Variants in STON2 observed in about 807,000 individuals in gnomAD.
STON2 encodes stonin-2.
In STON2, 29 loss-of-function variants were observed where a neutral mutation model predicts 65.7. The observed-to-expected ratio is 0.44, with a 90% CI of 0.33 to 0.60. The LOEUF is 0.60. STON2 is among the 20% of genes least tolerant of loss of function. The probability of loss-of-function intolerance (pLI) is 0.03; values close to 1 mark genes in which losing one functional copy is unlikely to be tolerated. For missense variants in STON2, 1,054 were observed against 1,118.1 expected (o/e 0.94, Z 0.82); for synonymous variants, 404 against 414.2 (o/e 0.98, Z 0.30).
intron 3 of STON2, among the ~76,000 whole-genome samples, chr14:81,374,498 G>T (rs1028269780): frequency 2.0e-5 from 3 of 152,092 alleles, no homozygotes; most frequent in African/African-American, 7.2e-5. Context: ...GGGGTGAACA[G>T]GCAGAATGAG....
At chr14:81,378,947 C>A (rs574117747) in intron 3 of STON2, among the ~76,000 whole-genome samples, 6 of 152,042 alleles carry the variant, frequency 3.9e-5, no homozygotes, top group Admixed American at 3.3e-4. Context: ...AGAAATACCC[C>A]CCAAAGCTTA....
rs1894165377 is a variant in STON2 at position 81,261,954 on chromosome 14, A to AC, written c.*6459_*6460insG. ...TGTCTGGGGAAATGATAAAAAAAAA[A>AC]AAAAAAAAGAGAGAGATGTGAAAAG... On this transcript the variant is annotated 3_prime_UTR_variant, in exon 8 of 8. Coordinates refer to ENST00000614646, the MANE Select transcript of STON2 (RefSeq NM_001394390.1). 5.6e-6 allele frequency: 8 copies of AC among 1,437,082 alleles called. No individual in the cohort carries two copies. The highest frequency in any genetic ancestry group is 7.3e-6 in the Non-Finnish European group (8 of 1,102,410). 89.0% of individuals were successfully genotyped at this position (1,437,082 alleles called of 1,614,324 possible).
Position 81,348,198 on chromosome 14 carries a change from T to C in STON2, c.571+22790A>G, listed in dbSNP as rs142549163. ...AGCAGAAAGCCTTTCCTCTCAGAAC[T>C]GGAACAAGCAAAGATGCCCACTTTC... is the stretch of plus-strand genomic sequence containing the variant. On this transcript the variant is annotated intron_variant, in intron 4 of 7. Transcript: ENST00000614646. 2.9e-3 allele frequency among the ~76,000 whole-genome samples: 444 copies of C among 152,210 alleles called. 1 individual carries two copies. Among genetic ancestry groups the C allele is most frequent in the Non-Finnish European group, 5.5e-3 (374 of 68,006 alleles).
At chr14:81,431,772 T>A (rs1345575561) in intron 1 of STON2, among the ~76,000 whole-genome samples, 1 of 148,558 alleles carries the variant, frequency 6.7e-6, no homozygotes, top group Admixed American at 6.7e-5. Context: ...AGCGAAACTC[T>A]GTCTCAAAAA....
At chr14:81,411,913 A>AC (rs1218130057) in intron 2 of STON2, among the ~76,000 whole-genome samples, 30 of 141,708 alleles carry the variant, frequency 2.1e-4, no homozygotes, top group African/African-American at 3.7e-4. Context: ...GATGTCTCTG[A>AC]AGAGGTGACA....
chr14:81,363,847 C>T (rs1257176737), intron 4 of STON2, among the ~76,000 whole-genome samples: 2 of 152,288 alleles, frequency 1.3e-5, no homozygotes, highest in South Asian at 2.1e-4. Flanking sequence ...TCAAGCACAA[C>T]GGTAATCACT....
chr14:81,408,152 C>T (rs1252136849), intron 2 of STON2, among the ~76,000 whole-genome samples: 1 of 141,840 alleles, frequency 7.1e-6, no homozygotes, highest in Non-Finnish European at 1.5e-5. Context: ...CACACACACA[C>T]ACACACGCGC....
intron 3 of STON2, among the ~76,000 whole-genome samples, chr14:81,387,861 A>G (rs1166395305): frequency 6.7e-6 from 1 of 149,792 alleles, no homozygotes; most frequent in Non-Finnish European, 1.5e-5. Context: ...ACTGCACTCC[A>G]GCCTGGGTGA....
intron 4 of STON2, among the ~76,000 whole-genome samples, chr14:81,367,612 A>G (rs1485451633): frequency 6.6e-6 from 1 of 152,168 alleles, no homozygotes; most frequent in Non-Finnish European, 1.5e-5. Flanking sequence ...TGAGGTGAAG[A>G]CTTTTCAAAG....
intron 4 of STON2, among the ~76,000 whole-genome samples, chr14:81,342,802 G>A (rs974866490): frequency 6.6e-6 from 1 of 152,130 alleles, no homozygotes; most frequent in African/African-American, 2.4e-5. Context: ...GCCAGAGAGC[G>A]CCAGAACAGA....
At chr14:81,395,428 G>A (rs1183698731) in intron 3 of STON2, 2 of 153,364 alleles carry the variant, frequency 1.3e-5, no homozygotes, top group Non-Finnish European at 2.9e-5. Context: ...TTTTGGCAGA[G>A]ACGGGGTTTC....
chr14:81,270,671 T>C lies in STON2; in HGVS notation c.2783A>G (p.Gln928Arg). 1.2e-6 allele frequency: 2 copies of C among 1,614,174 alleles called. No individual in the cohort carries two copies. Among genetic ancestry groups the C allele is most frequent in the South Asian group, 2.2e-5 (2 of 91,086 alleles). Residue 928 changes from glutamine (Q) to arginine (R), a missense_variant and splice_region_variant, in exon 7 of 8, where the codon CAG becomes CGG. Coordinates refer to ENST00000614646, the MANE Select transcript of STON2 (RefSeq NM_001394390.1). The stretch of plus-strand genomic sequence containing the variant: ...TAGCCAGATGCTTCCCAAGGCTACC[T>C]GGTAGCTGTAGTGTGCAGAATAATT... ...WVNYSAHYSYQVEIEQKKSLK... is the reference protein window; with the variant it reads ...WVNYSAHYSYRVEIEQKKSLK...
Position 81,264,496 on chromosome 14 carries a change from C to T in STON2, c.*3918G>A. 1.0e-6 allele frequency: 1 copy of T among 985,378 alleles called. No individual in the cohort carries two copies. Among genetic ancestry groups the T allele is most frequent in the Non-Finnish European group, 1.2e-6 (1 of 829,924 alleles). 61.0% of individuals were successfully genotyped at this position (985,378 alleles called of 1,614,324 possible). ...CTGGCAAGCATTTAAGGTGGCTGAACCCTATTATATTCCAAGCTTTGTGCT... is the reference window on the plus strand; with the variant it reads ...CTGGCAAGCATTTAAGGTGGCTGAATCCTATTATATTCCAAGCTTTGTGCT... On this transcript the variant is annotated 3_prime_UTR_variant, in exon 8 of 8. Coordinates refer to ENST00000614646, the MANE Select transcript of STON2 (RefSeq NM_001394390.1).
intron 3 of STON2, chr14:81,395,119 A>G (rs1402974548): frequency 6.6e-6 from 1 of 152,236 alleles, no homozygotes; most frequent in East Asian, 1.9e-4. Context: ...TCTCATGAAC[A>G]ACCATCCCTA....
At chr14:81,415,668 C>CAAAAAAA (rs35270491) in intron 2 of STON2, among the ~76,000 whole-genome samples, 3 of 77,274 alleles carry the variant, frequency 3.9e-5, no homozygotes, top group African/African-American at 1.0e-4. Flanking sequence ...GACTCCATCG[C>CAAAAAAA]AAAAAAAAAA....
At chr14:81,298,597 G>A (rs984271384) in intron 5 of STON2, among the ~76,000 whole-genome samples, 3 of 152,128 alleles carry the variant, frequency 2.0e-5, no homozygotes, top group Admixed American at 1.3e-4. Flanking sequence ...TCCTGCTCTG[G>A]TAAGTTCCCA....
Position 81,267,344 on chromosome 14 carries a change from C to T in STON2, c.*1070G>A, listed in dbSNP as rs1162804551. The T allele has an allele frequency of 1.0e-6, 1 of 985,140 alleles. No individual in the cohort carries two copies. Among genetic ancestry groups the T allele is most frequent in the Admixed American group, 6.2e-5 (1 of 16,260 alleles). The allele number at this position is 985,140 out of a possible 1,614,324, so 61.0% of individuals were successfully genotyped here. On this transcript the variant is annotated 3_prime_UTR_variant, in exon 8 of 8. Transcript: ENST00000614646. ...GATGCCTTTTCAATCCAATCCAATA[C>T]TGTGATTATCAAACTCTGAATTTTG...
intron 5 of STON2, among the ~76,000 whole-genome samples, chr14:81,293,393 C>T (rs1405620614): frequency 2.0e-5 from 3 of 152,108 alleles, no homozygotes; most frequent in East Asian, 1.9e-4. Flanking sequence ...AGGATGGTCT[C>T]GATCTCTTGA....
In STON2 at chr14:81,278,339, C is replaced by T. The variant is rs1213094187; in HGVS notation, c.1143G>A (p.Gln381=). 2 of 1,614,190 alleles carry T rather than the reference C, an allele frequency of 1.2e-6. No individual in the cohort carries two copies. The highest frequency in any genetic ancestry group is 2.7e-5 in the African/African-American group (2 of 75,044). Residue 381 remains glutamine (Q), a synonymous_variant, in exon 6 of 8, where the codon CAG becomes CAA. Coordinates refer to ENST00000614646, the MANE Select transcript of STON2 (RefSeq NM_001394390.1). ...CACTGAAAGGGTTGATAGGGGAGGG[C>T]TGTACATCCTGCAGAGTCTCATTCA... The part of the protein sequence containing the change: ...PFLNETLQDV[Q]PSPINPFSAF...
Sources: gnomAD v4.1 joint callset for allele counts (sites outside exome capture counted in the v4.1 genomes callset) on GRCh38, gnomAD v4.1.1 for gene constraint, MANE v1.5 for transcripts, NCBI Gene and HGNC (gene_info 2026-07-23, HGNC 2026-07-21) for gene names.